The following SEC63 variants were observed in gnomAD, a reference collection of about 807,000 sequenced individuals.
SEC63 encodes the protein translocation protein SEC63 homolog.
SEC63 carries 56 observed loss-of-function variants against 116.2 expected under a neutral mutation model. The observed-to-expected ratio is 0.48, with a 90% confidence interval of 0.39 to 0.60. The LOEUF (loss-of-function observed/expected upper bound fraction) is 0.60. Among genes scored for constraint, SEC63 ranks in the 20% least tolerant of loss-of-function variants. The pLI, the probability that SEC63 is intolerant of heterozygous loss-of-function variation, is 0.00. For synonymous variants in SEC63, 273 were observed against 294.6 expected (o/e 0.93, Z 0.75); for missense variants, 668 against 900.0 (o/e 0.74, Z 3.30).
intron 1 of SEC63, among the ~76,000 whole-genome samples, chr6:107,946,870 G>C (rs919238893): frequency 2.0e-5 from 3 of 152,112 alleles, no homozygotes; most frequent in African/African-American, 7.2e-5. Context: ...CAGGCGTGGT[G>C]GTGGGCTCCT....
At chr6:107,877,069 GTGTA>G (rs56891656) in intron 18 of SEC63, 160,812 of 184,812 alleles carry the variant, frequency 0.87, 69,026 homozygotes, top group Middle Eastern at 0.92. Flanking sequence ...ATATATGTGT[GTGTA>G]TATATATATA....
Position 107,906,782 on chromosome 6 carries a change from CA to C in SEC63, c.734-6del. ...CAGCCAAAACCATGATAAGACCTAA[CA>C]AAACAAAAGAAATATGAAGGTAAAT... On this transcript the variant is annotated splice_region_variant and splice_polypyrimidine_tract_variant and intron_variant, in intron 8 of 20. Coordinates refer to ENST00000369002, the MANE Select transcript of SEC63 (RefSeq NM_007214.5). 1 of 1,601,350 alleles carries C rather than the reference CA, an allele frequency of 6.2e-7. No individual in the cohort carries two copies. Among genetic ancestry groups the C allele is most frequent in the Non-Finnish European group, 8.6e-7 (1 of 1,168,572 alleles).
intron 1 of SEC63, among the ~76,000 whole-genome samples, chr6:107,936,114 A>C (rs1438435169): frequency 6.6e-6 from 1 of 152,256 alleles, no homozygotes; most frequent in Non-Finnish European, 1.5e-5. Flanking sequence ...AGGCAGTTTG[A>C]TCTATTCAAA....
At chr6:107,915,630 C>T (rs898389570) in intron 4 of SEC63, among the ~76,000 whole-genome samples, 5 of 151,142 alleles carry the variant, frequency 3.3e-5, no homozygotes, top group African/African-American at 1.2e-4. Flanking sequence ...GAGTGAAAAT[C>T]TGATTAAAAA....
At chr6:107,906,374 A>G (rs2114449655) in intron 10 of SEC63, 74 bp downstream of exon 10, 1 of 1,493,770 alleles carries the variant, frequency 6.7e-7, no homozygotes, top group Middle Eastern at 1.7e-4. Context: ...ACAAACTAAT[A>G]CACACCATTA....
At chr6:107,897,092 T>C (rs1786865296) in intron 14 of SEC63, among the ~76,000 whole-genome samples, 1 of 151,976 alleles carries the variant, frequency 6.6e-6, no homozygotes, top group South Asian at 2.1e-4. Flanking sequence ...AAAACATCAT[T>C]TAGCTCTACA....
chr6:107,906,832 C>G lies in SEC63; in HGVS notation c.734-55G>C, dbSNP rs78698100. 4.9e-5 allele frequency: 64 copies of G among 1,302,916 alleles called. No individual in the cohort carries two copies. The East Asian group carries it at 1.4e-3, about 29-fold the overall frequency. The allele number at this position is 1,302,916 out of a possible 1,614,324, so 80.7% of individuals were successfully genotyped here. On this transcript the variant is annotated intron_variant, in intron 8 of 20. Coordinates refer to ENST00000369002, the MANE Select transcript of SEC63 (RefSeq NM_007214.5). ...ATAAATATGCTCATTCATTAATTCCCCCTCCTGAGATACTTAATTCACTTG... is the reference window on the plus strand; with the variant it reads ...ATAAATATGCTCATTCATTAATTCCGCCTCCTGAGATACTTAATTCACTTG...
intron 1 of SEC63, among the ~76,000 whole-genome samples, chr6:107,953,394 T>TGGGGGGGTCAGCCCCC (rs1554241950): frequency 6.0e-5 from 9 of 149,704 alleles, no homozygotes; most frequent in African/African-American, 2.2e-4. Context: ...GGGAAGGAGG[T>TGGGGGGGTCAGCCCCC]GGGGGGGTCA....
Position 107,871,728 on chromosome 6 carries a change from C to CTCT in SEC63, c.2256_2258dup (p.Glu757dup), listed in dbSNP as rs1562310462. On this transcript the variant is annotated inframe_insertion, in exon 21 of 21. Coordinates refer to ENST00000369002, the MANE Select transcript of SEC63 (RefSeq NM_007214.5). ...CTTAGTCATCATCTTCTTCTTCCTC[C>CTCT]TCTTCTTCCTCAAAGCTATCTTCAA... is the stretch of plus-strand genomic sequence containing the variant. The CTCT allele has an allele frequency of 6.2e-7, 1 of 1,613,012 alleles. No homozygotes were observed. The highest frequency in any genetic ancestry group is 8.5e-7 in the Non-Finnish European group (1 of 1,179,746).
At chr6:107,954,478 A>C (rs1221312810) in intron 1 of SEC63, 2 of 76,936 alleles carry the variant, frequency 2.6e-5, no homozygotes, top group African/African-American at 1.4e-4. Context: ...AAAAAAAAAA[A>C]AATCAAAAAA....
At chr6:107,876,687 A>AAAAAAG (rs1786282078) in intron 18 of SEC63, 25 bp from the exon 19 acceptor site, 1 of 1,428,938 alleles carries the variant, frequency 7.0e-7, no homozygotes, top group Non-Finnish European at 9.7e-7. Context: ...AAAAAAAAAA[A>AAAAAAG]AAGAAGAGGG....
intron 19 of SEC63, among the ~76,000 whole-genome samples, chr6:107,875,586 G>A (rs1331261188): frequency 6.6e-6 from 1 of 152,076 alleles, no homozygotes; most frequent in African/African-American, 2.4e-5. Context: ...GTGCACGTAT[G>A]TAGTCCCAGC....
chr6:107,928,089 A>C (rs1350352306), intron 2 of SEC63, among the ~76,000 whole-genome samples: 4 of 152,174 alleles, frequency 2.6e-5, no homozygotes, highest in Admixed American at 2.6e-4. Context: ...TAAACAGTGA[A>C]GAGAAAATTA....
At chr6:107,929,206 C>T (rs1787741714) in intron 2 of SEC63, among the ~76,000 whole-genome samples, 1 of 152,154 alleles carries the variant, frequency 6.6e-6, no homozygotes, top group African/African-American at 2.4e-5. Context: ...CTTTCTACCC[C>T]CGACCTCCAG....
intron 16 of SEC63, among the ~76,000 whole-genome samples, chr6:107,887,868 G>A (rs1172280459): frequency 6.6e-6 from 1 of 152,126 alleles, no homozygotes; most frequent in Non-Finnish European, 1.5e-5. Context: ...CCCATTGCTT[G>A]TTTTTAACAG....
intron 4 of SEC63, among the ~76,000 whole-genome samples, chr6:107,921,504 T>G (rs1405947830): frequency 6.6e-6 from 1 of 151,908 alleles, no homozygotes; most frequent in African/African-American, 2.4e-5. Flanking sequence ...GAAGTTGGGC[T>G]GCAGTGGCAT....
intron 5 of SEC63, among the ~76,000 whole-genome samples, 182 bp from the exon 6 acceptor site, chr6:107,912,956 T>C (rs1465486333): frequency 2.0e-5 from 3 of 152,194 alleles, no homozygotes; most frequent in Admixed American, 6.5e-5. Flanking sequence ...ATATAGTTTA[T>C]ATCTGAAACT....
chr6:107,913,447 G>A lies in SEC63; in HGVS notation c.453-20C>T. 1 of 1,603,746 alleles carries A rather than the reference G, an allele frequency of 6.2e-7. No homozygotes were observed. The highest frequency in any genetic ancestry group is 8.5e-7 in the Non-Finnish European group (1 of 1,170,906). ...GTTAAACTAGCATCAAAAGAACAAA[G>A]TTGCAAAATTAGAAAGCCACATCTG... On this transcript the variant is annotated intron_variant, in intron 4 of 20. Transcript: ENST00000369002.
chr6:107,938,265 T>TTTAA (rs1770298992), intron 1 of SEC63, among the ~76,000 whole-genome samples: 1 of 147,252 alleles, frequency 6.8e-6, no homozygotes, highest in African/African-American at 2.5e-5. Context: ...TTTTTTTTTT[T>TTTAA]GAGACAGGGT....
Sources: allele counts gnomAD v4.1 joint callset (sites outside exome capture counted in the v4.1 genomes callset), GRCh38; gene constraint gnomAD v4.1.1; transcripts MANE v1.5; gene names NCBI Gene and HGNC (gene_info 2026-07-23, HGNC 2026-07-21).